Variants in REXO2 observed in about 807,000 individuals in gnomAD.
The protein encoded by REXO2 is oligoribonuclease, mitochondrial.
A neutral mutation model predicts 30.9 loss-of-function variants in REXO2; 17 were observed. That is an observed-to-expected ratio of 0.55 (90% confidence interval 0.38 to 0.82). The LOEUF (loss-of-function observed/expected upper bound fraction) is 0.82, where lower values mean the gene tolerates loss of function less well. Ranked by LOEUF, REXO2 falls within the 40% of genes least tolerant of loss-of-function variation. REXO2 has a pLI of 0.00. For synonymous variants in REXO2, 105 were observed against 99.6 expected (o/e 1.05, Z -0.32); for missense variants, 253 against 293.2 (o/e 0.86, Z 1.00).
At chr11:114,442,016 C>T in intron 2 of REXO2, 1 of 505,970 alleles carries the variant, frequency 2.0e-6, no homozygotes. Flanking sequence ...TTCCTTTAGA[C>T]TGTTGATATA....
chr11:114,441,666 G>T, intron 2 of REXO2: 1 of 697,950 alleles, frequency 1.4e-6, no homozygotes, highest in South Asian at 1.5e-5. Flanking sequence ...AGTTCCTAGA[G>T]GGTAGCATTG....
At chr11:114,447,057 G>T (rs1052900993) in intron 5 of REXO2, among the ~76,000 whole-genome samples, 5 of 149,686 alleles carry the variant, frequency 3.3e-5, no homozygotes, top group Admixed American at 6.7e-5. Context: ...TCCTGCCTCA[G>T]CCTCCCGAGT....
chr11:114,450,028 T>C lies in REXO2; in HGVS notation c.*53T>C. ...GTTATCTGGAGGCAACTTCTGGTGG[T>C]TTTTTTTTCTCACGCTGATGGCTTG... On this transcript the variant is annotated 3_prime_UTR_variant, in exon 7 of 7. Coordinates refer to ENST00000265881, the MANE Select transcript of REXO2 (RefSeq NM_015523.4). 1.3e-6 allele frequency: 2 copies of C among 1,513,650 alleles called. No homozygotes were observed. Among genetic ancestry groups the C allele is most frequent in the Non-Finnish European group, 8.8e-7 (1 of 1,130,512 alleles). 93.8% of individuals were successfully genotyped at this position (1,513,650 alleles called of 1,614,324 possible).
At chr11:114,444,111 C>T (rs1025384850) in intron 3 of REXO2, 178 bp downstream of exon 3, 9 of 673,208 alleles carry the variant, frequency 1.3e-5, no homozygotes, top group Non-Finnish European at 2.2e-5. Context: ...CTCTCGAGAT[C>T]ATCTTCTCCT....
rs1420904011 is a variant in REXO2 at position 114,444,587 on chromosome 11, A to G, written c.356A>G (p.Gln119Arg). The G allele has an allele frequency of 6.2e-7, 1 of 1,612,356 alleles. No homozygotes were observed. Among genetic ancestry groups the G allele is most frequent in the African/African-American group, 1.3e-5 (1 of 74,882 alleles). Residue 119 changes from glutamine (Q) to arginine (R), a missense_variant, in exon 4 of 7, where the codon CAG becomes CGG. Coordinates refer to ENST00000265881, the MANE Select transcript of REXO2 (RefSeq NM_015523.4). ...AVKESTITLQ[Q>R]AEYEFLSFVR... The stretch of plus-strand genomic sequence containing the variant: ...AAGGAGAGTACAATTACATTGCAGC[A>G]GGCAGAGTATGAATTTCTGTCCTTT...
Position 114,446,051 on chromosome 11 carries a change from G to C in REXO2, c.494G>C (p.Arg165Thr), listed in dbSNP as rs755939253. ...CAGTTCATGAAACATCTTCATTATA[G>C]AATAATTGATGTGAGCACTGTTAAA... Reference protein sequence around the residue: ...MPQFMKHLHYRIIDVSTVKEL... With the variant: ...MPQFMKHLHYTIIDVSTVKEL... The change falls in exon 5 of 7, where the codon AGA (arginine) becomes ACA (threonine). Residue 165 changes from arginine (R) to threonine (T), a missense_variant. Transcript: ENST00000265881. 1 of 1,605,704 alleles carries C rather than the reference G, an allele frequency of 6.2e-7. No individual in the cohort carries two copies. The highest frequency in any genetic ancestry group is 1.1e-5 in the South Asian group (1 of 90,274).
intron 3 of REXO2, 63 bp downstream of exon 3, chr11:114,443,996 A>G: frequency 9.0e-7 from 1 of 1,114,072 alleles, no homozygotes. Context: ...TTGCTCCCAC[A>G]CCTGAATCCG....
chr11:114,442,660 A>G (rs76177629), intron 2 of REXO2, among the ~76,000 whole-genome samples: 3,432 of 152,292 alleles, frequency 0.023, 52 homozygotes, highest in Non-Finnish European at 0.033. Flanking sequence ...GCTCATATCT[A>G]TAATTTCTTT....
At chr11:114,439,717 T>G (rs760892923) in intron 1 of REXO2, 42 bp downstream of exon 1, 1 of 1,445,280 alleles carries the variant, frequency 6.9e-7, no homozygotes, top group Non-Finnish European at 9.1e-7. Flanking sequence ...CGAGTGAGGT[T>G]TCGCTCGTGG....
intron 1 of REXO2, 70 bp downstream of exon 1, chr11:114,439,745 C>G: frequency 7.0e-7 from 1 of 1,426,034 alleles, no homozygotes; most frequent in East Asian, 2.6e-5. Flanking sequence ...GAGTCGAGCC[C>G]GTCCTGGGAG....
At position 114,450,109 on chromosome 11, in the gene REXO2, C is replaced by T. The variant is rs879079267; in HGVS notation, c.*134C>T. 3.6e-6 allele frequency: 3 copies of T among 822,634 alleles called. No homozygotes were observed. The highest frequency in any genetic ancestry group is 1.9e-6 in the Non-Finnish European group (1 of 538,598). The allele number at this position is 822,634 out of a possible 1,614,324, so 51.0% of individuals were successfully genotyped here. A position where few individuals can be genotyped will look rare whatever the true frequency, so the allele number is the denominator to read the frequency against. ...AGATTGATTACTCAAGCAGACAGCA[C>T]ACGAAATACTATTTTTCTCCTAATA... On this transcript the variant is annotated 3_prime_UTR_variant, in exon 7 of 7. Coordinates refer to ENST00000265881, the MANE Select transcript of REXO2 (RefSeq NM_015523.4).
rs1013917572 is a variant in REXO2 at position 114,444,084 on chromosome 11, C to T, written c.309+151C>T. The stretch of plus-strand genomic sequence containing the variant: ...GCCTGGGAAACTGCTTGCTTGTTTA[C>T]TTTTCATCTTTGGGACCTCTCGAGA... On this transcript the variant is annotated intron_variant, in intron 3 of 6. Transcript: ENST00000265881. 4.3e-6 allele frequency: 3 copies of T among 696,092 alleles called. No homozygotes were observed. The East Asian group carries it at 8.4e-5, about 19-fold the overall frequency. 43.1% of individuals were successfully genotyped at this position (696,092 alleles called of 1,614,324 possible). A position where few individuals can be genotyped will look rare whatever the true frequency, so the allele number is the denominator to read the frequency against.
In REXO2 at chr11:114,444,532, C is replaced by G. The variant is rs925347622; in HGVS notation, c.310-9C>G. 2.5e-6 allele frequency: 4 copies of G among 1,593,548 alleles called. No homozygotes were observed. Among genetic ancestry groups the G allele is most frequent in the Admixed American group, 1.7e-5 (1 of 57,370 alleles). ...TTTTTGGTGGGGGGCTGGGGATTCTCTCTTGCAGTCTGGCCTTACCAAGGC... is the reference window on the plus strand; with the variant it reads ...TTTTTGGTGGGGGGCTGGGGATTCTGTCTTGCAGTCTGGCCTTACCAAGGC... On this transcript the variant is annotated splice_polypyrimidine_tract_variant and intron_variant, in intron 3 of 6. Coordinates refer to ENST00000265881, the MANE Select transcript of REXO2 (RefSeq NM_015523.4).
Position 114,443,932 on chromosome 11 carries a change from A to AG in REXO2, c.309+1dup. On this transcript the variant is annotated frameshift_variant and splice_region_variant, in exon 3 of 7. Coordinates refer to ENST00000265881, the MANE Select transcript of REXO2 (RefSeq NM_015523.4). LOFTEE classifies it high-confidence loss of function. ...GATTGGTGTAAGGAGCATCACGGGA[A>AG]GGTAACATTACCAAATAACAGGATT... The AG allele has an allele frequency of 6.2e-7, 1 of 1,602,568 alleles. No individual in the cohort carries two copies. Among genetic ancestry groups the AG allele is most frequent in the Non-Finnish European group, 8.5e-7 (1 of 1,173,246 alleles).
rs1281170981 is a variant in REXO2 at position 114,449,991 on chromosome 11, T to G, written c.*16T>G. 1.9e-6 allele frequency: 3 copies of G among 1,582,048 alleles called. No homozygotes were observed. The highest frequency in any genetic ancestry group is 1.7e-6 in the Non-Finnish European group (2 of 1,166,280). ...CGTGAGTTGATGCCAGTTATCATGC[T>G]GCCACTACATCGTTATCTGGAGGCA... is the stretch of plus-strand genomic sequence containing the variant. On this transcript the variant is annotated 3_prime_UTR_variant, in exon 7 of 7. Transcript: ENST00000265881.
intron 6 of REXO2, 93 bp from the exon 7 acceptor site, chr11:114,449,753 G>T: frequency 7.7e-7 from 1 of 1,300,040 alleles, no homozygotes; most frequent in Non-Finnish European, 1.1e-6. Flanking sequence ...AACATCCATT[G>T]TTCTTAAGTC....
At chr11:114,441,623 G>T (rs947913097) in intron 2 of REXO2, 1 of 655,748 alleles carries the variant, frequency 1.5e-6, no homozygotes, top group African/African-American at 1.8e-5. Context: ...ACAAAGTAGG[G>T]ATGTTTGTGG....
chr11:114,439,556 C>A lies in REXO2; in HGVS notation c.28C>A (p.Leu10Met), dbSNP rs763380528. 6.2e-7 allele frequency: 1 copy of A among 1,609,086 alleles called. No individual in the cohort carries two copies. The highest frequency in any genetic ancestry group is 1.3e-5 in the African/African-American group (1 of 74,958). Reference sequence around the variant, plus strand: ...GCTAGGCGGCTCCCTGGGCTCCAGGCTGTTGCGGGGTGTAGGTGGGAGTCA... The same window carrying A: ...GCTAGGCGGCTCCCTGGGCTCCAGGATGTTGCGGGGTGTAGGTGGGAGTCA... The part of the protein sequence containing the change: MLGGSLGSR[L>M]LRGVGGSHGR... The change falls in exon 1 of 7, where the codon CTG (leucine) becomes ATG (methionine). Residue 10 changes from leucine (L) to methionine (M), a missense_variant. By Grantham distance (15) the Leu-to-Met change is conservative. Coordinates refer to ENST00000265881, the MANE Select transcript of REXO2 (RefSeq NM_015523.4).
chr11:114,439,767 T>C, intron 1 of REXO2, 92 bp downstream of exon 1: 1 of 1,392,724 alleles, frequency 7.2e-7, no homozygotes, highest in Non-Finnish European at 9.4e-7. Context: ...GCGTTGGGGG[T>C]CTGGGTCTCA....
Sources: allele counts gnomAD v4.1 joint callset (sites outside exome capture counted in the v4.1 genomes callset), GRCh38; gene constraint gnomAD v4.1.1; transcripts MANE v1.5; gene names NCBI Gene and HGNC (gene_info 2026-07-23, HGNC 2026-07-21).